GAB2: variants seen among roughly 807,000 people sequenced by gnomAD.
GAB2 encodes GRB2-associated-binding protein 2.
In GAB2, 26 loss-of-function variants were observed where a neutral mutation model predicts 65.5. The ratio of observed to expected loss-of-function variants is 0.40; its 90% CI spans 0.29 to 0.55. The LOEUF (loss-of-function observed/expected upper bound fraction) is 0.55. Among genes scored for constraint, GAB2 ranks in the 20% least tolerant of loss-of-function variants. The pLI is 0.53. For missense variants in GAB2, 884 were observed against 875.8 expected (o/e 1.01, Z -0.12); for synonymous variants, 321 against 329.6 (o/e 0.97, Z 0.28).
chr11:78,284,737 A>ACC (rs1310984480), intron 1 of GAB2, among the ~76,000 whole-genome samples: 1 of 151,284 alleles, frequency 6.6e-6, no homozygotes, highest in Non-Finnish European at 1.5e-5. Context: ...AAGCATGTAT[A>ACC]CCCCCAAAAG....
At chr11:78,352,020 T>C (rs1380411379) in intron 1 of GAB2, among the ~76,000 whole-genome samples, 2 of 151,978 alleles carry the variant, frequency 1.3e-5, no homozygotes, top group Admixed American at 1.3e-4. Context: ...CAAGACCAGC[T>C]GGGCAGCACG....
intron 1 of GAB2, among the ~76,000 whole-genome samples, chr11:78,300,012 G>A (rs1293328434): frequency 6.6e-6 from 1 of 151,908 alleles, no homozygotes; most frequent in Non-Finnish European, 1.5e-5. Context: ...CAGTTCAGAT[G>A]GCTGAATTTT....
chr11:78,331,461 G>A (rs1855912662), intron 1 of GAB2, among the ~76,000 whole-genome samples: 1 of 151,922 alleles, frequency 6.6e-6, no homozygotes, highest in South Asian at 2.1e-4. Flanking sequence ...TGGCCAGGAG[G>A]GTCTCGATCT....
intron 1 of GAB2, among the ~76,000 whole-genome samples, chr11:78,369,417 T>A (rs1856539480): frequency 6.6e-6 from 1 of 152,228 alleles, no homozygotes; most frequent in Non-Finnish European, 1.5e-5. Context: ...CAAATATACC[T>A]CTGATCAGCT....
At position 78,216,190 on chromosome 11, in the gene GAB2, C is replaced by CATCTCCCT. The variant is rs1382684898; in HGVS notation, c.*3074_*3081dup. On this transcript the variant is annotated 3_prime_UTR_variant, in exon 10 of 10. Coordinates refer to ENST00000361507, the MANE Select transcript of GAB2 (RefSeq NM_080491.3). ...GCAGATCAAGGACTTAAGGAGACAC[C>CATCTCCCT]ATCTCCCTATTTCTCATCGTTCTCA... 6.6e-6 allele frequency: 1 copy of CATCTCCCT among 152,458 alleles called. No homozygotes were observed. The highest frequency in any genetic ancestry group is 2.4e-5 in the African/African-American group (1 of 41,442). The allele number at this position is 152,458 out of a possible 1,614,324, so 9.4% of individuals were successfully genotyped here.
chr11:78,404,239 T>A (rs981117422), intron 1 of GAB2, among the ~76,000 whole-genome samples: 1 of 152,174 alleles, frequency 6.6e-6, no homozygotes, highest in Non-Finnish European at 1.5e-5. Flanking sequence ...GTGGTACATA[T>A]ACACAATGGA....
intron 1 of GAB2, among the ~76,000 whole-genome samples, chr11:78,398,728 G>C (rs1856933984): frequency 1.3e-5 from 2 of 152,222 alleles, no homozygotes; most frequent in Admixed American, 1.3e-4. Context: ...AGCACCCTTA[G>C]TGCCCATCAT....
At chr11:78,283,704 A>T (rs916405293) in intron 1 of GAB2, among the ~76,000 whole-genome samples, 1 of 151,962 alleles carries the variant, frequency 6.6e-6, no homozygotes, top group Admixed American at 6.6e-5. Context: ...TCTCTCTCCA[A>T]CATCTGACAA....
chr11:78,374,176 A>T (rs1856605458), intron 1 of GAB2, among the ~76,000 whole-genome samples: 1 of 152,226 alleles, frequency 6.6e-6, no homozygotes, highest in Non-Finnish European at 1.5e-5. Flanking sequence ...AGTTGATCCC[A>T]GTTTAGTTTT....
At chr11:78,276,622 T>C (rs1157901840) in intron 2 of GAB2, among the ~76,000 whole-genome samples, 1 of 152,120 alleles carries the variant, frequency 6.6e-6, no homozygotes, top group Non-Finnish European at 1.5e-5. Flanking sequence ...TCATTGGTTA[T>C]GACAGGAACT....
At position 78,284,518 on chromosome 11, in the gene GAB2, C is replaced by T. The variant is rs151302306; in HGVS notation, c.76-3617G>A. 4.5e-3 allele frequency among the ~76,000 whole-genome samples: 693 copies of T among 152,338 alleles called. 4 individuals are homozygous for T. Among genetic ancestry groups the T allele is most frequent in the African/African-American group, 0.016 (672 of 41,572 alleles). On this transcript the variant is annotated intron_variant, in intron 1 of 9. Transcript: ENST00000361507. ...TGCCTTGCCTATTCTGCTCTGGCCA[C>T]GTGGCCTTACACAGTGCCAGGCGTG...
At chr11:78,347,215 G>C (rs989902225) in intron 1 of GAB2, among the ~76,000 whole-genome samples, 5 of 152,128 alleles carry the variant, frequency 3.3e-5, no homozygotes, top group South Asian at 2.1e-4. Flanking sequence ...TAAGCAAATG[G>C]CTTGATATGA....
intron 1 of GAB2, among the ~76,000 whole-genome samples, chr11:78,293,789 A>C (rs1413332047): frequency 6.6e-6 from 1 of 152,222 alleles, no homozygotes; most frequent in African/African-American, 2.4e-5. Flanking sequence ...TGCAGGAACC[A>C]CTATTTGTCG....
At chr11:78,299,794 T>C (rs1179065919) in intron 1 of GAB2, among the ~76,000 whole-genome samples, 1 of 152,200 alleles carries the variant, frequency 6.6e-6, no homozygotes, top group Non-Finnish European at 1.5e-5. Context: ...AAGTATTGCA[T>C]ATGTAGCTGG....
intron 1 of GAB2, among the ~76,000 whole-genome samples, chr11:78,323,602 T>G (rs145227606): frequency 1.8e-4 from 26 of 147,858 alleles, no homozygotes; most frequent in African/African-American, 6.3e-4. Flanking sequence ...TACACAGACA[T>G]AAAGACGGAA....
At chr11:78,370,725 A>ATGTGTGTGTGTG (rs113823389) in intron 1 of GAB2, among the ~76,000 whole-genome samples, 19,600 of 148,776 alleles carry the variant, frequency 0.13, 1,755 homozygotes, top group East Asian at 0.36. Flanking sequence ...GTGTGTGTGT[A>ATGTGTGTGTGTG]TGTGTGTGTG....
chr11:78,360,703 C>G (rs1021790327), intron 1 of GAB2, among the ~76,000 whole-genome samples: 1 of 151,986 alleles, frequency 6.6e-6, no homozygotes, highest in Non-Finnish European at 1.5e-5. Flanking sequence ...ACTAAAAATA[C>G]AAAAATTAGC....
chr11:78,350,316 C>T (rs769757501), intron 1 of GAB2, among the ~76,000 whole-genome samples: 3 of 152,128 alleles, frequency 2.0e-5, no homozygotes, highest in South Asian at 2.1e-4. Flanking sequence ...GCCTGGGTGC[C>T]GGGATTAACT....
chr11:78,286,637 C>T (rs977914654), intron 1 of GAB2, among the ~76,000 whole-genome samples: 8 of 138,284 alleles, frequency 5.8e-5, no homozygotes, highest in Non-Finnish European at 9.4e-5. Flanking sequence ...AAAACTTATA[C>T]GTAAGCTTTC....
Sources: allele counts gnomAD v4.1 joint callset (sites outside exome capture counted in the v4.1 genomes callset), GRCh38; gene constraint gnomAD v4.1.1; transcripts MANE v1.5; gene names NCBI Gene and HGNC (gene_info 2026-07-23, HGNC 2026-07-21).